ANXA8: variants seen among roughly 807,000 people sequenced by gnomAD.
The protein encoded by ANXA8 is VAC-beta.
In ANXA8, 9 loss-of-function variants were observed where a neutral mutation model predicts 26.8. The observed-to-expected ratio is 0.34, with a 90% confidence interval of 0.20 to 0.59. The LOEUF (loss-of-function observed/expected upper bound fraction) is 0.59, where lower values mean the gene tolerates loss of function less well. ANXA8 is among the 20% of genes least tolerant of loss of function. ANXA8 has a pLI of 0.84. For synonymous variants in ANXA8, 39 were observed against 94.8 expected, an observed-to-expected ratio of 0.41 and a Z score of 3.42; for missense variants, 83 against 238.5, an observed-to-expected ratio of 0.35 and a Z score of 4.29.
chr10:47,581,737 G>A, the ANXA8 span, among the ~76,000 whole-genome samples: 168 of 150,420 alleles, frequency 1.1e-3, no homozygotes, highest in African/African-American at 4.0e-3. Flanking sequence ...CTCCCGAGTA[G>A]CTGGAACTAC....
the ANXA8 span, among the ~76,000 whole-genome samples, chr10:47,954,723 C>T: frequency 6.6e-6 from 1 of 150,792 alleles, no homozygotes; most frequent in African/African-American, 2.4e-5. Flanking sequence ...AAATTCCTCT[C>T]CTAGGTATTT....
the ANXA8 span, among the ~76,000 whole-genome samples, chr10:47,597,402 G>C: frequency 6.8e-6 from 1 of 148,074 alleles, no homozygotes; most frequent in South Asian, 2.1e-4. Flanking sequence ...GGAAGCCCTA[G>C]CCAGAATGAT....
the ANXA8 span, among the ~76,000 whole-genome samples, chr10:47,755,217 A>G: frequency 6.6e-6 from 1 of 151,238 alleles, no homozygotes; most frequent in Non-Finnish European, 1.5e-5. Flanking sequence ...GGTCTCCCAA[A>G]GTGCTAGGAT....
At chr10:47,750,354 CTTATT>C in the ANXA8 span, among the ~76,000 whole-genome samples, 112 of 132,774 alleles carry the variant, frequency 8.4e-4, 1 homozygote, top group African/African-American at 2.5e-3. Context: ...TATTTATTTA[CTTATT>C]TTATTTTTTT....
the ANXA8 span, among the ~76,000 whole-genome samples, chr10:47,630,912 G>A: frequency 1.3e-5 from 2 of 149,764 alleles, no homozygotes; most frequent in South Asian, 4.1e-4. Context: ...TGACAAGAAA[G>A]GTCTTCTGTA....
At chr10:47,517,343 G>T in the ANXA8 span, among the ~76,000 whole-genome samples, 1 of 87,556 alleles carries the variant, frequency 1.1e-5, no homozygotes, top group African/African-American at 5.5e-5. Context: ...CACGATCTTG[G>T]CTCACTGCAA....
chr10:47,954,759 C>T, the ANXA8 span, among the ~76,000 whole-genome samples: 1 of 150,886 alleles, frequency 6.6e-6, no homozygotes, highest in Non-Finnish European at 1.5e-5. Flanking sequence ...ATAAAAACAC[C>T]TGTGTTCACA....
At chr10:47,594,633 TA>T in the ANXA8 span, among the ~76,000 whole-genome samples, 4 of 147,794 alleles carry the variant, frequency 2.7e-5, no homozygotes, top group African/African-American at 1.1e-4. Context: ...TTGGGAGACT[TA>T]AAAACAGACT....
At chr10:47,580,573 G>GA in the ANXA8 span, among the ~76,000 whole-genome samples, 8 of 149,040 alleles carry the variant, frequency 5.4e-5, no homozygotes, top group African/African-American at 1.8e-4. Context: ...CTGTCTCTAC[G>GA]AAAAAAAAAT....
At chr10:47,977,819 A>T in the ANXA8 span, among the ~76,000 whole-genome samples, 2 of 151,452 alleles carry the variant, frequency 1.3e-5, no homozygotes, top group African/African-American at 4.8e-5. Context: ...ACAGAGCCTC[A>T]GAGAGCATAC....
the ANXA8 span, among the ~76,000 whole-genome samples, chr10:47,521,756 G>C: frequency 3.3e-5 from 5 of 151,244 alleles, no homozygotes; most frequent in African/African-American, 9.7e-5. Flanking sequence ...TCTGCCAACA[G>C]TGTAGAGACT....
chr10:47,659,146 C>G, the ANXA8 span, among the ~76,000 whole-genome samples: 1 of 151,866 alleles, frequency 6.6e-6, no homozygotes, highest in Non-Finnish European at 1.5e-5. Context: ...GCTGGGATTA[C>G]AGGTGTGAAC....
the ANXA8 span, among the ~76,000 whole-genome samples, chr10:47,984,659 CT>C: frequency 1.6e-5 from 2 of 127,756 alleles, no homozygotes; most frequent in Non-Finnish European, 3.3e-5. Flanking sequence ...AATTTTGCCC[CT>C]GGAAGAATGT....
chr10:47,709,234 C>T, the ANXA8 span, among the ~76,000 whole-genome samples: 1 of 144,416 alleles, frequency 6.9e-6, no homozygotes, highest in Non-Finnish European at 1.5e-5. Context: ...CTTATTAAAA[C>T]ATGGTCAGTC....
At chr10:47,560,140 C>T in the ANXA8 span, among the ~76,000 whole-genome samples, 1 of 151,814 alleles carries the variant, frequency 6.6e-6, no homozygotes. Context: ...AAGGAGAGGT[C>T]TGGTTCCTAA....
the ANXA8 span, among the ~76,000 whole-genome samples, chr10:47,628,505 T>C: frequency 1.3e-5 from 2 of 151,226 alleles, no homozygotes; most frequent in East Asian, 1.9e-4. Context: ...TCAACATTAG[T>C]ATTGACAATA....
chr10:47,510,248 T>C, the ANXA8 span: 7 of 1,407,118 alleles, frequency 5.0e-6, 1 homozygote, highest in Middle Eastern at 2.6e-4. Context: ...AGCTGTATTG[T>C]TGACTGAAAC....
the ANXA8 span, among the ~76,000 whole-genome samples, chr10:47,967,709 T>C: frequency 1.1e-5 from 1 of 89,324 alleles, no homozygotes; most frequent in African/African-American, 3.7e-5. Context: ...CTACTAAAAC[T>C]GCTCTCTTCA....
chr10:47,647,297 T>A, the ANXA8 span, among the ~76,000 whole-genome samples: 2 of 151,896 alleles, frequency 1.3e-5, no homozygotes, highest in Non-Finnish European at 2.9e-5. Context: ...ATACTTTTTT[T>A]TGTTTATTTA....
Sources: allele counts gnomAD v4.1 joint callset (sites outside exome capture counted in the v4.1 genomes callset), GRCh38; gene constraint gnomAD v4.1.1; transcripts MANE v1.5; gene names NCBI Gene and HGNC (gene_info 2026-07-23, HGNC 2026-07-21).